SMIM14: variants seen among roughly 807,000 people sequenced by gnomAD.
The protein encoded by SMIM14 is small integral membrane protein 14, also known as chromosome 4 open reading frame 34.
Under a neutral mutation model 12.6 loss-of-function variants are expected in SMIM14, and 5 were observed. The observed-to-expected ratio is 0.40, with a 90% CI of 0.21 to 0.83. SMIM14 has a LOEUF of 0.83. Among genes scored for constraint, SMIM14 ranks in the 40% least tolerant of loss-of-function variants. SMIM14 has a pLI of 0.37. For missense variants in SMIM14, 86 were observed against 119.1 expected, an observed-to-expected ratio of 0.72 and a Z score of 1.29; for synonymous variants, 30 against 40.1, an observed-to-expected ratio of 0.75 and a Z score of 0.95.
chr4:39,564,754 T>G (rs1335250722), intron 3 of SMIM14, among the ~76,000 whole-genome samples: 1 of 152,132 alleles, frequency 6.6e-6, no homozygotes, highest in Non-Finnish European at 1.5e-5. Context: ...AGTGAAAATG[T>G]AAAGAAAGTG....
intron 2 of SMIM14, among the ~76,000 whole-genome samples, chr4:39,598,574 G>GT (rs1344171579): frequency 6.8e-6 from 1 of 147,570 alleles, no homozygotes; most frequent in African/African-American, 2.4e-5. Context: ...AATAATGGTT[G>GT]TATCATAAAG....
chr4:39,597,244 C>T (rs1243794425), intron 2 of SMIM14, among the ~76,000 whole-genome samples: 3 of 151,856 alleles, frequency 2.0e-5, no homozygotes, highest in Non-Finnish European at 2.9e-5. Context: ...TCCTACTAGA[C>T]ACTCACAAAA....
chr4:39,624,780 C>T (rs368773104), intron 1 of SMIM14, among the ~76,000 whole-genome samples: 2 of 133,946 alleles, frequency 1.5e-5, no homozygotes, highest in African/African-American at 5.5e-5. Context: ...GCTGAGATCA[C>T]ACTCCAGCCT....
At chr4:39,579,854 A>AAG (rs994963909) in intron 2 of SMIM14, among the ~76,000 whole-genome samples, 12 of 151,650 alleles carry the variant, frequency 7.9e-5, no homozygotes. Flanking sequence ...AAAAAAAAAA[A>AAG]AAAAGAAAGA....
chr4:39,619,816 ATATT>A lies in SMIM14; in HGVS notation c.-35-14640_-35-14637del, dbSNP rs1348500655. On this transcript the variant is annotated intron_variant, in intron 1 of 4. Transcript: ENST00000295958. The stretch of plus-strand genomic sequence containing the variant: ...TATATATATCTCAATTTTCTCAAAA[ATATT>A]TATATGTATATATAAATGTATATAT... Among the ~76,000 whole-genome samples the A allele has an allele frequency of 2.1e-4, 30 of 140,064 alleles. 1 individual carries two copies. The highest frequency in any genetic ancestry group is 7.6e-4 in the African/African-American group (29 of 38,238). 91.9% of individuals were successfully genotyped at this position (140,064 alleles called of 152,430 possible). A position where few individuals can be genotyped will look rare whatever the true frequency, so the allele number is the denominator to read the frequency against.
At chr4:39,609,761 A>G (rs974743572) in intron 1 of SMIM14, among the ~76,000 whole-genome samples, 1 of 152,202 alleles carries the variant, frequency 6.6e-6, no homozygotes, top group African/African-American at 2.4e-5. Context: ...TAAAAAGACC[A>G]CCTCAGCTGC....
intron 2 of SMIM14, among the ~76,000 whole-genome samples, chr4:39,576,856 C>T (rs912391345): frequency 2.0e-5 from 3 of 150,120 alleles, no homozygotes; most frequent in African/African-American, 2.4e-5. Context: ...GGATTACAGG[C>T]GCCTGCCATC....
At chr4:39,608,097 T>C (rs1714881537) in intron 1 of SMIM14, among the ~76,000 whole-genome samples, 1 of 152,182 alleles carries the variant, frequency 6.6e-6, no homozygotes, top group Non-Finnish European at 1.5e-5. Context: ...GAAAATAGTT[T>C]GAAAGTTCCT....
At chr4:39,583,694 C>T (rs1357399381) in intron 2 of SMIM14, among the ~76,000 whole-genome samples, 1 of 152,054 alleles carries the variant, frequency 6.6e-6, no homozygotes, top group East Asian at 1.9e-4. Context: ...TAATGTGTTC[C>T]ACATACGTGT....
intron 1 of SMIM14, among the ~76,000 whole-genome samples, chr4:39,612,889 C>T (rs1715089340): frequency 1.3e-5 from 2 of 152,332 alleles, no homozygotes; most frequent in Admixed American, 6.5e-5. Context: ...CATGAACCAA[C>T]AAGCATGGCC....
chr4:39,628,551 C>T (rs369284968), intron 1 of SMIM14, among the ~76,000 whole-genome samples: 4 of 149,226 alleles, frequency 2.7e-5, no homozygotes, highest in African/African-American at 4.9e-5. Context: ...TAGTGGCACA[C>T]GCGTAGTCCC....
intron 1 of SMIM14, among the ~76,000 whole-genome samples, chr4:39,625,889 G>A (rs1021715057): frequency 2.6e-5 from 4 of 152,212 alleles, no homozygotes; most frequent in African/African-American, 9.6e-5. Flanking sequence ...AAGCAACTAC[G>A]TCAGCATGGC....
At chr4:39,609,046 G>A (rs1157413520) in intron 1 of SMIM14, among the ~76,000 whole-genome samples, 5 of 151,978 alleles carry the variant, frequency 3.3e-5, no homozygotes, top group Non-Finnish European at 4.4e-5. Flanking sequence ...TCATGATCTC[G>A]GCTCACTGAA....
chr4:39,591,223 G>T (rs1395186582), intron 2 of SMIM14, among the ~76,000 whole-genome samples: 5 of 151,838 alleles, frequency 3.3e-5, no homozygotes, highest in African/African-American at 4.8e-5. Flanking sequence ...AAATATTTTT[G>T]ATTTACAGTT....
intron 3 of SMIM14, among the ~76,000 whole-genome samples, chr4:39,564,808 C>T (rs1712492135): frequency 6.6e-6 from 1 of 152,156 alleles, no homozygotes; most frequent in African/African-American, 2.4e-5. Flanking sequence ...ACATTTCAGG[C>T]ACAAGGAACA....
chr4:39,621,269 G>T (rs1715474392), intron 1 of SMIM14, among the ~76,000 whole-genome samples: 1 of 151,704 alleles, frequency 6.6e-6, no homozygotes, highest in Admixed American at 6.6e-5. Flanking sequence ...TCAAATTTAG[G>T]ACATAAGACT....
chr4:39,581,523 T>C lies in SMIM14; in HGVS notation c.76-9060A>G, dbSNP rs556076850. ...GTTTTTTTCCTTTTCTTTTTCTTTT[T>C]TTTTTTTTTTGAGACAGGGTCTTGA... On this transcript the variant is annotated intron_variant, in intron 2 of 4. Transcript: ENST00000295958. 2.5e-3 allele frequency among the ~76,000 whole-genome samples: 377 copies of C among 149,282 alleles called. 2 individuals are homozygous for C. The highest frequency in any genetic ancestry group is 8.8e-3 in the African/African-American group (362 of 41,110).
At chr4:39,611,936 T>G (rs1053295719) in intron 1 of SMIM14, 1 of 152,122 alleles carries the variant, frequency 6.6e-6, no homozygotes, top group Non-Finnish European at 1.5e-5. Flanking sequence ...GGCAAACCTT[T>G]CCATCTAATA....
At chr4:39,626,558 A>G (rs1020574427) in intron 1 of SMIM14, among the ~76,000 whole-genome samples, 21 of 152,232 alleles carry the variant, frequency 1.4e-4, no homozygotes, top group African/African-American at 5.1e-4. Context: ...CAAAGTAACC[A>G]GCAAGAGAGT....
Sources: allele counts gnomAD v4.1 joint callset (sites outside exome capture counted in the v4.1 genomes callset), GRCh38; gene constraint gnomAD v4.1.1; transcripts MANE v1.5; gene names NCBI Gene and HGNC (gene_info 2026-07-23, HGNC 2026-07-21).